Variants in DENND2A observed in about 807,000 individuals in gnomAD.
DENND2A encodes the protein DENN domain-containing protein 2A.
Under a neutral mutation model 105.3 loss-of-function variants are expected in DENND2A, and 53 were observed. The ratio of observed to expected loss-of-function variants is 0.50; its 90% confidence interval spans 0.40 to 0.63. The LOEUF (loss-of-function observed/expected upper bound fraction) is 0.63, where lower values mean the gene tolerates loss of function less well. Among genes scored for constraint, DENND2A ranks in the 30% least tolerant of loss-of-function variants. DENND2A has a pLI of 0.00. For missense variants in DENND2A, 1,138 were observed against 1,279.6 expected (o/e 0.89, Z 1.69); for synonymous variants, 522 against 508.4 (o/e 1.03, Z -0.36).
chr7:140,590,189 T>C (rs536704323), intron 3 of DENND2A, among the ~76,000 whole-genome samples: 66 of 151,702 alleles, frequency 4.4e-4, no homozygotes, highest in Non-Finnish European at 8.8e-4. Context: ...TGGGGGTTCG[T>C]GACCAGCCTG....
chr7:140,604,901 T>A (rs1212818655), intron 2 of DENND2A, among the ~76,000 whole-genome samples: 1 of 152,218 alleles, frequency 6.6e-6, no homozygotes, highest in Non-Finnish European at 1.5e-5. Context: ...AGTTAACATG[T>A]AATGTGCTCA....
In DENND2A at chr7:140,522,111, G is replaced by A; in HGVS notation, c.2666-11C>T. ...GGCTGGACTCTGGACCTGAGTAAGG[G>A]GAGGAAAGGCCAGGAACGGTGAGGG... is the stretch of plus-strand genomic sequence containing the variant. On this transcript the variant is annotated splice_polypyrimidine_tract_variant and intron_variant, in intron 17 of 19. Coordinates refer to ENST00000496613, the MANE Select transcript of DENND2A (RefSeq NM_015689.5). 1 of 1,613,764 alleles carries A rather than the reference G, an allele frequency of 6.2e-7. No homozygotes were observed. Among genetic ancestry groups the A allele is most frequent in the African/African-American group, 1.3e-5 (1 of 75,048 alleles).
At chr7:140,604,009 C>A (rs1192705124) in intron 2 of DENND2A, among the ~76,000 whole-genome samples, 1 of 152,206 alleles carries the variant, frequency 6.6e-6, no homozygotes, top group Admixed American at 6.5e-5. Context: ...ATTAGTCTAA[C>A]AAGAATGAGA....
intron 3 of DENND2A, among the ~76,000 whole-genome samples, chr7:140,593,605 C>T (rs1013769575): frequency 6.6e-6 from 1 of 152,216 alleles, no homozygotes; most frequent in Admixed American, 6.5e-5. Context: ...CCTATTGCCT[C>T]TCTGATGAGA....
chr7:140,522,205 C>T, intron 17 of DENND2A, 105 bp from the exon 18 acceptor site: 1 of 1,424,652 alleles, frequency 7.0e-7, no homozygotes, highest in Non-Finnish European at 9.5e-7. Context: ...TGCTAGTTCC[C>T]TTGATGGAAA....
At chr7:140,635,686 G>C (rs1454060293) in intron 1 of DENND2A, among the ~76,000 whole-genome samples, 3 of 152,166 alleles carry the variant, frequency 2.0e-5, no homozygotes, top group Non-Finnish European at 2.9e-5. Flanking sequence ...CGATCACTTG[G>C]TTTCCCATAG....
chr7:140,582,115 C>T (rs1798570791), intron 5 of DENND2A, among the ~76,000 whole-genome samples: 1 of 152,114 alleles, frequency 6.6e-6, no homozygotes, highest in Non-Finnish European at 1.5e-5. Flanking sequence ...CAGGCACCCG[C>T]CACCACACCT....
intron 12 of DENND2A, among the ~76,000 whole-genome samples, chr7:140,554,901 C>A (rs138843217): frequency 3.3e-5 from 5 of 152,310 alleles, no homozygotes; most frequent in African/African-American, 9.6e-5. Flanking sequence ...AATCCCCCCT[C>A]CACAAAACTG....
chr7:140,601,840 G>A lies in DENND2A; in HGVS notation c.558C>T (p.Tyr186=). 2 of 1,614,176 alleles carry A rather than the reference G, an allele frequency of 1.2e-6. No individual in the cohort carries two copies. The highest frequency in any genetic ancestry group is 1.7e-6 in the Non-Finnish European group (2 of 1,180,016). The part of the protein sequence containing the change: ...GLDPQLPGTC[Y]SPHCPPDKAE... Reference sequence around the variant, plus strand: ...CCTTGTCAGGAGGGCAGTGTGGGGAGTAACAAGTCCCTGGTAACTGGGGAT... The same window carrying A: ...CCTTGTCAGGAGGGCAGTGTGGGGAATAACAAGTCCCTGGTAACTGGGGAT... Residue 186 remains tyrosine (Y), a synonymous_variant, in exon 3 of 20, where the codon TAC becomes TAT. Transcript: ENST00000496613.
At chr7:140,536,189 C>A (rs1288806473) in intron 14 of DENND2A, among the ~76,000 whole-genome samples, 1 of 152,068 alleles carries the variant, frequency 6.6e-6, no homozygotes, top group Non-Finnish European at 1.5e-5. Context: ...CCCGTCTCTA[C>A]TAAAAATGCA....
intron 18 of DENND2A, among the ~76,000 whole-genome samples, 161 bp from the exon 19 acceptor site, chr7:140,519,879 T>C (rs985647960): frequency 6.6e-6 from 1 of 152,202 alleles, no homozygotes; most frequent in Non-Finnish European, 1.5e-5. Flanking sequence ...ATTTTATTGC[T>C]CTTATAATTG....
intron 8 of DENND2A, among the ~76,000 whole-genome samples, chr7:140,567,661 C>A (rs1170591754): frequency 6.6e-6 from 1 of 152,140 alleles, no homozygotes; most frequent in African/African-American, 2.4e-5. Context: ...AGTGACTCCT[C>A]CCCTCACCCA....
At chr7:140,574,656 C>T (rs1021433089) in intron 5 of DENND2A, among the ~76,000 whole-genome samples, 1 of 152,232 alleles carries the variant, frequency 6.6e-6, no homozygotes, top group Non-Finnish European at 1.5e-5. Flanking sequence ...TGCAGGATTG[C>T]TGAGTGCCTT....
rs1408785308 is a variant in DENND2A at position 140,602,079 on chromosome 7, C to G, written c.319G>C (p.Glu107Gln). 7 of 1,614,088 alleles carry G rather than the reference C, an allele frequency of 4.3e-6. No homozygotes were observed. In the African/African-American group the frequency reaches 9.3e-5, roughly 22 times the overall value. ...NGMRPGTEST[E>Q]KERNKGAVNV... ...ACTGCTCCTTTATTCCTCTCCTTCT[C>G]TGTGCTCTCTGTTCCTGGCCTCATT... The change falls in exon 3 of 20, where the codon GAG becomes CAG. Residue 107 changes from glutamate (E) to glutamine (Q), a missense_variant. Physicochemically the swap from Glu to Gln is conservative, Grantham distance 29. This residue lies in a region of DENND2A where 511 missense variants were observed against 499.9 expected (regional missense o/e 1.02). Transcript: ENST00000496613.
rs140601792 is a variant in DENND2A, at chr7:140,536,512, A to G, written c.2327+8106T>C. On this transcript the variant is annotated intron_variant, in intron 14 of 19. Coordinates refer to ENST00000496613, the MANE Select transcript of DENND2A (RefSeq NM_015689.5). ...ACTGGAATAAGCTTCCAGCCCCAGGATATGTCAGTGATGGGTCTGGATTAG... is the reference window on the plus strand; with the variant it reads ...ACTGGAATAAGCTTCCAGCCCCAGGGTATGTCAGTGATGGGTCTGGATTAG... Among the ~76,000 whole-genome samples the G allele has an allele frequency of 2.5e-3, 386 of 152,250 alleles. 3 individuals carry two copies. The highest frequency in any genetic ancestry group is 9.0e-3 in the African/African-American group (372 of 41,538).
At chr7:140,628,331 T>C (rs947004201) in intron 1 of DENND2A, among the ~76,000 whole-genome samples, 4 of 152,312 alleles carry the variant, frequency 2.6e-5, no homozygotes, top group Middle Eastern at 3.4e-3. Context: ...TTGCACTGGC[T>C]ATGGTGCCAA....
intron 3 of DENND2A, among the ~76,000 whole-genome samples, chr7:140,594,329 A>T (rs1799194025): frequency 6.6e-6 from 1 of 152,156 alleles, no homozygotes; most frequent in Non-Finnish European, 1.5e-5. Context: ...TTCAGGCCTC[A>T]CCCCAGACCC....
chr7:140,639,282 G>A (rs1193959873), intron 1 of DENND2A, among the ~76,000 whole-genome samples: 3 of 151,862 alleles, frequency 2.0e-5, no homozygotes, highest in African/African-American at 7.2e-5. Flanking sequence ...AACTCCGGGG[G>A]CTGAGGTTGC....
intron 18 of DENND2A, among the ~76,000 whole-genome samples, 188 bp from the exon 19 acceptor site, chr7:140,519,906 ACT>A (rs1402006916): frequency 1.3e-5 from 2 of 152,230 alleles, no homozygotes; most frequent in Admixed American, 1.3e-4. Context: ...CTGTGCAGTA[ACT>A]CCCTTTGGAA....
Sources: gnomAD v4.1 joint callset for allele counts (sites outside exome capture counted in the v4.1 genomes callset) on GRCh38, gnomAD v4.1.1 for gene constraint, gnomAD v4.1.1 regional missense constraint, MANE v1.5 for transcripts, NCBI Gene and HGNC (gene_info 2026-07-23, HGNC 2026-07-21) for gene names.